The following CDK14 variants were observed in gnomAD, a reference collection of about 807,000 sequenced individuals.
CDK14 encodes cyclin-dependent kinase 14.
A neutral mutation model predicts 60.7 loss-of-function variants in CDK14; 34 were observed. The observed-to-expected ratio is 0.56, with a 90% CI of 0.43 to 0.75. The LOEUF (loss-of-function observed/expected upper bound fraction) is 0.75. Among genes scored for constraint, CDK14 ranks in the 30% least tolerant of loss-of-function variants. CDK14 has a pLI of 0.00. For missense variants in CDK14, 482 were observed against 564.1 expected, an observed-to-expected ratio of 0.85 and a Z score of 1.47; for synonymous variants, 197 against 203.7, an observed-to-expected ratio of 0.97 and a Z score of 0.28.
intron 4 of CDK14, among the ~76,000 whole-genome samples, chr7:90,778,543 T>A (rs1461616993): frequency 6.6e-6 from 1 of 152,182 alleles, no homozygotes; most frequent in African/African-American, 2.4e-5. Context: ...TTAATCATGC[T>A]GTTACCCTTC....
intron 14 of CDK14, among the ~76,000 whole-genome samples, chr7:91,198,620 C>A (rs369841058): frequency 6.6e-6 from 1 of 152,166 alleles, no homozygotes; most frequent in African/African-American, 2.4e-5. Context: ...TCCCATGAAC[C>A]AACATGACTT....
chr7:91,111,941 T>A (rs932246216), intron 12 of CDK14, among the ~76,000 whole-genome samples: 4 of 152,172 alleles, frequency 2.6e-5, no homozygotes, highest in African/African-American at 7.2e-5. Context: ...TTCTATCTAC[T>A]GTTGTTTTAA....
chr7:90,945,096 A>T (rs2117525016), intron 8 of CDK14, among the ~76,000 whole-genome samples: 1 of 152,334 alleles, frequency 6.6e-6, no homozygotes, highest in South Asian at 2.1e-4. Flanking sequence ...ATAGAAAGGG[A>T]TGGGAAGAAA....
intron 11 of CDK14, among the ~76,000 whole-genome samples, chr7:91,057,907 A>C (rs1429081803): frequency 2.0e-5 from 3 of 152,084 alleles, no homozygotes; most frequent in Non-Finnish European, 4.4e-5. Flanking sequence ...TTGGTTCCAT[A>C]TGAACTTTAA....
intron 5 of CDK14, among the ~76,000 whole-genome samples, chr7:90,809,720 T>C (rs1160476676): frequency 2.6e-5 from 4 of 152,126 alleles, no homozygotes; most frequent in African/African-American, 7.2e-5. Context: ...GATAGACCGC[T>C]AGTAAGACTA....
At chr7:91,174,291 C>A (rs1801646024) in intron 14 of CDK14, among the ~76,000 whole-genome samples, 1 of 151,850 alleles carries the variant, frequency 6.6e-6, no homozygotes, top group African/African-American at 2.4e-5. Context: ...GACATCCACA[C>A]CAAAAACCCA....
At chr7:90,673,624 G>A (rs1338638969) in intron 2 of CDK14, among the ~76,000 whole-genome samples, 2 of 152,164 alleles carry the variant, frequency 1.3e-5, no homozygotes, top group Non-Finnish European at 2.9e-5. Context: ...CTTGTTAACA[G>A]TATTTTTTCT....
chr7:91,111,280 T>C (rs1799461804), intron 12 of CDK14, among the ~76,000 whole-genome samples: 3 of 152,120 alleles, frequency 2.0e-5, no homozygotes, highest in Admixed American at 2.0e-4. Flanking sequence ...TTGAAATAAA[T>C]ACTAAAGAAT....
At chr7:91,026,243 G>T (rs1796565645) in intron 10 of CDK14, among the ~76,000 whole-genome samples, 1 of 152,256 alleles carries the variant, frequency 6.6e-6, no homozygotes, top group South Asian at 2.1e-4. Flanking sequence ...ACAATGAGGA[G>T]AGCTGCCTTC....
intron 5 of CDK14, among the ~76,000 whole-genome samples, chr7:90,835,863 A>G (rs1388101564): frequency 6.6e-6 from 1 of 152,250 alleles, no homozygotes; most frequent in African/African-American, 2.4e-5. Flanking sequence ...GCTATATGGT[A>G]TATAGCCCAT....
intron 8 of CDK14, among the ~76,000 whole-genome samples, chr7:90,928,842 A>G (rs1238731626): frequency 6.6e-6 from 1 of 152,224 alleles, no homozygotes; most frequent in Non-Finnish European, 1.5e-5. Flanking sequence ...AGAGGCAGGC[A>G]GGCTTCCTTG....
At chr7:90,880,942 C>T (rs1291120640) in intron 6 of CDK14, among the ~76,000 whole-genome samples, 2 of 152,146 alleles carry the variant, frequency 1.3e-5, no homozygotes, top group East Asian at 3.9e-4. Flanking sequence ...CAAGGTTCAG[C>T]AGCCTCGAAG....
At chr7:90,627,354 C>T (rs957593734) in intron 2 of CDK14, among the ~76,000 whole-genome samples, 4 of 151,984 alleles carry the variant, frequency 2.6e-5, no homozygotes, top group South Asian at 4.2e-4. Flanking sequence ...TGATTACAGG[C>T]GCATGCCACC....
At chr7:91,044,363 C>T (rs1308460513) in intron 10 of CDK14, among the ~76,000 whole-genome samples, 1 of 152,130 alleles carries the variant, frequency 6.6e-6, no homozygotes, top group African/African-American at 2.4e-5. Flanking sequence ...AAAGGGGTTA[C>T]CAAAAGGGTG....
intron 3 of CDK14, among the ~76,000 whole-genome samples, chr7:90,729,168 G>T (rs992611124): frequency 2.6e-5 from 4 of 151,536 alleles, no homozygotes; most frequent in African/African-American, 9.7e-5. Context: ...AGGGATAGGG[G>T]GCTGGCCGAG....
intron 2 of CDK14, among the ~76,000 whole-genome samples, chr7:90,634,119 C>G (rs1170953413): frequency 7.4e-6 from 1 of 134,898 alleles, no homozygotes; most frequent in Non-Finnish European, 1.7e-5. Context: ...CTTTTTGTTT[C>G]TTTTATGATT....
intron 5 of CDK14, among the ~76,000 whole-genome samples, chr7:90,809,736 G>T (rs1010320748): frequency 1.1e-4 from 17 of 152,074 alleles, no homozygotes; most frequent in Admixed American, 2.0e-4. Flanking sequence ...GACTAATAAA[G>T]AAGAAAAGAG....
At chr7:91,056,721 C>A (rs1797579321) in intron 11 of CDK14, among the ~76,000 whole-genome samples, 1 of 152,146 alleles carries the variant, frequency 6.6e-6, no homozygotes, top group Non-Finnish European at 1.5e-5. Context: ...ATCCATGTCC[C>A]TACAAAGGAC....
chr7:91,106,544 T>A (rs1423610231), intron 12 of CDK14, among the ~76,000 whole-genome samples: 3 of 152,138 alleles, frequency 2.0e-5, no homozygotes, highest in Non-Finnish European at 4.4e-5. Context: ...TAATAATGTC[T>A]AATATGTGTC....
Sources: gnomAD v4.1 joint callset for allele counts (sites outside exome capture counted in the v4.1 genomes callset) on GRCh38, gnomAD v4.1.1 for gene constraint, MANE v1.5 for transcripts, NCBI Gene and HGNC (gene_info 2026-07-23, HGNC 2026-07-21) for gene names.